The following ROBO2 variants were observed in gnomAD, a reference collection of about 807,000 sequenced individuals.
ROBO2 encodes roundabout homolog 2.
ROBO2 carries 53 observed loss-of-function variants against 160.8 expected under a neutral mutation model. The observed-to-expected ratio is 0.33, with a 90% CI of 0.26 to 0.41. The LOEUF (loss-of-function observed/expected upper bound fraction) is 0.41, where lower values mean the gene tolerates loss of function less well. Ranked by LOEUF, ROBO2 falls within the 10% of genes least tolerant of loss-of-function variation. ROBO2 has a pLI of 1.00. For missense variants in ROBO2, 1,577 were observed against 1,722.4 expected (o/e 0.92, Z 1.49); for synonymous variants, 664 against 611.7 (o/e 1.09, Z -1.26).
intron 2 of ROBO2, among the ~76,000 whole-genome samples, chr3:76,927,805 T>C (rs1483930386): frequency 6.6e-6 from 1 of 152,190 alleles, no homozygotes; most frequent in Non-Finnish European, 1.5e-5. Context: ...GCATGGTCAT[T>C]CAGTAACACA....
At chr3:77,188,467 A>G (rs188962828) in intron 2 of ROBO2, among the ~76,000 whole-genome samples, 75 of 151,934 alleles carry the variant, frequency 4.9e-4, no homozygotes, top group African/African-American at 1.7e-3. Flanking sequence ...AGGTGAAGAA[A>G]TGGGTTTCTG....
At position 76,275,925 on chromosome 3, in the gene ROBO2, G is replaced by A. The variant is rs564987935; in HGVS notation, c.109+338323G>A. ...GTAAAGACAAAAAAGAACTCGGAGG[G>A]GGGGAGCACTTTTAAAAATTGTTTT... On this transcript the variant is annotated intron_variant, in intron 2 of 26. Coordinates refer to the ROBO2 transcript ENST00000487694. 2.0e-5 allele frequency among the ~76,000 whole-genome samples: 3 copies of A among 152,010 alleles called. No homozygotes were observed. The East Asian group carries it at 5.8e-4, about 29-fold the overall frequency.
intron 2 of ROBO2, among the ~76,000 whole-genome samples, chr3:75,978,413 T>A (rs2065187345): frequency 6.6e-6 from 1 of 151,588 alleles, no homozygotes. Context: ...CTTTCATTTT[T>A]AATTTAATCT....
intron 2 of ROBO2, among the ~76,000 whole-genome samples, chr3:76,440,668 G>A (rs139868985): frequency 3.5e-3 from 525 of 152,142 alleles, no homozygotes; most frequent in Non-Finnish European, 6.2e-3. Context: ...CCACCACATC[G>A]TCACACATCA....
rs529887518 is a variant in ROBO2 at position 76,182,337 on chromosome 3, G to A, written c.109+244735G>A. Among the ~76,000 whole-genome samples, 38 of 152,144 alleles carry A rather than the reference G, an allele frequency of 2.5e-4. 1 individual carries two copies. The highest frequency in any genetic ancestry group is 7.0e-4 in the African/African-American group (29 of 41,506). On this transcript the variant is annotated intron_variant, in intron 2 of 26. Transcript: ENST00000487694. ...TTCATGATCCAGAAACTGGAAATAC[G>A]TTTTTCTCCATATTTCTTCCTCAAA...
At chr3:75,921,500 A>G (rs1273289271) in intron 1 of ROBO2, among the ~76,000 whole-genome samples, 3 of 152,148 alleles carry the variant, frequency 2.0e-5, no homozygotes, top group African/African-American at 4.8e-5. Flanking sequence ...ACAGTTTTCT[A>G]TTTGTATTGT....
chr3:76,215,605 A>G (rs1451953569), intron 2 of ROBO2, among the ~76,000 whole-genome samples: 1 of 152,190 alleles, frequency 6.6e-6, no homozygotes, highest in Admixed American at 6.5e-5. Flanking sequence ...AGAGAAGTTT[A>G]GAGAAAAAAG....
chr3:77,325,916 G>T (rs80231586), intron 2 of ROBO2, among the ~76,000 whole-genome samples: 1 of 152,104 alleles, frequency 6.6e-6, no homozygotes, highest in Non-Finnish European at 1.5e-5. Context: ...TCCAAGATCC[G>T]TGCTTTCACC....
At chr3:76,881,017 C>A (rs528385605) in intron 2 of ROBO2, among the ~76,000 whole-genome samples, 1 of 152,254 alleles carries the variant, frequency 6.6e-6, no homozygotes, top group African/African-American at 2.4e-5. Context: ...ATCACTGTTT[C>A]TTCCAGCAGA....
intron 2 of ROBO2, among the ~76,000 whole-genome samples, chr3:76,061,805 G>A (rs2068078469): frequency 6.6e-6 from 1 of 152,080 alleles, no homozygotes; most frequent in Non-Finnish European, 1.5e-5. Context: ...TCAAATCAAG[G>A]TATCAGCAGG....
At chr3:77,523,040 C>G in intron 6 of ROBO2, 138 bp downstream of exon 6, 2 of 914,940 alleles carry the variant, frequency 2.2e-6, no homozygotes, top group Non-Finnish European at 3.5e-6. Context: ...TCCTCTCTAT[C>G]ATTAGTTGAA....
At chr3:76,239,143 A>G (rs541460687) in intron 2 of ROBO2, among the ~76,000 whole-genome samples, 16 of 152,316 alleles carry the variant, frequency 1.1e-4, no homozygotes, top group African/African-American at 1.9e-4. Context: ...GCTATAATCT[A>G]GGAATGATGA....
At chr3:76,878,383 C>T (rs1227634512) in intron 2 of ROBO2, among the ~76,000 whole-genome samples, 2 of 152,088 alleles carry the variant, frequency 1.3e-5, no homozygotes, top group Non-Finnish European at 2.9e-5. Flanking sequence ...CCCTCCTTAT[C>T]GATACCTTTT....
intron 5 of ROBO2, among the ~76,000 whole-genome samples, chr3:77,507,893 T>C (rs1323500932): frequency 2.0e-5 from 3 of 152,066 alleles, no homozygotes; most frequent in African/African-American, 7.2e-5. Flanking sequence ...TTAAAGTATT[T>C]AAAAGTAATA....
chr3:77,254,604 T>A (rs13080483), intron 2 of ROBO2, among the ~76,000 whole-genome samples: 3 of 152,218 alleles, frequency 2.0e-5, no homozygotes, highest in Admixed American at 6.5e-5. Flanking sequence ...GAGAAAATTG[T>A]TCCACTTTTT....
chr3:77,503,369 C>CA (rs1362392934), intron 5 of ROBO2, among the ~76,000 whole-genome samples: 1 of 150,846 alleles, frequency 6.6e-6, no homozygotes. Flanking sequence ...ACTAAAAATA[C>CA]AAAAAATTAG....
chr3:77,218,270 C>G (rs1295359399), intron 2 of ROBO2, among the ~76,000 whole-genome samples: 1 of 152,136 alleles, frequency 6.6e-6, no homozygotes, highest in African/African-American at 2.4e-5. Context: ...TGCCAACCTC[C>G]TTCTCATACT....
At chr3:76,619,783 A>G (rs2088915524) in intron 2 of ROBO2, among the ~76,000 whole-genome samples, 2 of 152,180 alleles carry the variant, frequency 1.3e-5, no homozygotes, top group Non-Finnish European at 2.9e-5. Context: ...AGCCGAGGTG[A>G]GCTCGGAACC....
intron 2 of ROBO2, among the ~76,000 whole-genome samples, chr3:76,254,528 C>A (rs1257666895): frequency 6.6e-6 from 1 of 152,020 alleles, no homozygotes; most frequent in African/African-American, 2.4e-5. Context: ...ATTAGATATG[C>A]ACTTTATAAA....
Sources: allele counts gnomAD v4.1 joint callset (sites outside exome capture counted in the v4.1 genomes callset), GRCh38; gene constraint gnomAD v4.1.1; transcripts MANE v1.5; gene names NCBI Gene and HGNC (gene_info 2026-07-23, HGNC 2026-07-21).